DACT2: variants seen among roughly 807,000 people sequenced by gnomAD.
The protein encoded by DACT2 is dapper homolog 2.
Under a neutral mutation model 22.2 loss-of-function variants are expected in DACT2, and 20 were observed. The ratio of observed to expected loss-of-function variants is 0.90; its 90% CI spans 0.63 to 1.31. The LOEUF (loss-of-function observed/expected upper bound fraction) is 1.31, where lower values mean the gene tolerates loss of function less well. Ranked by LOEUF, DACT2 falls within the 50% of genes most tolerant of loss-of-function variation. DACT2 has a pLI of 0.00. For synonymous variants in DACT2, 463 were observed against 479.8 expected, an observed-to-expected ratio of 0.96 and a Z score of 0.46; for missense variants, 1,048 against 1,061.4, an observed-to-expected ratio of 0.99 and a Z score of 0.18.
chr6:168,304,084 C>A (rs910016294), downstream of DACT2, among the ~76,000 whole-genome samples: 4 of 152,146 alleles, frequency 2.6e-5, no homozygotes, highest in African/African-American at 9.7e-5. Flanking sequence ...ACATTGTCTA[C>A]TTTTTAATCA....
intron 1 of DACT2, 75 bp from the exon 2 acceptor site, chr6:168,311,359 C>T: frequency 7.0e-7 from 1 of 1,433,298 alleles, no homozygotes; most frequent in African/African-American, 1.4e-5. Context: ...GGGGTGAAAA[C>T]ATGCATTGTG....
chr6:168,305,526 G>A (rs1779186648), downstream of DACT2, among the ~76,000 whole-genome samples: 2 of 152,200 alleles, frequency 1.3e-5, no homozygotes, highest in Admixed American at 6.5e-5. Flanking sequence ...TCTGGAGAGT[G>A]CACTCAAGCT....
rs1440540108 is a variant in DACT2 at position 168,307,073 on chromosome 6, G to A, written c.*359C>T. On this transcript the variant is annotated 3_prime_UTR_variant, in exon 4 of 4. Transcript: ENST00000366795. The surrounding 1 kb of genome is among the most constrained non-coding windows in gnomAD (Gnocchi z 5.3). The stretch of plus-strand genomic sequence containing the variant: ...TGGGGAGGAATGGTCAAAGGATTGG[G>A]AAACACTTCCCCAGCCAGAGGGGAG... 18 of 1,053,956 alleles carry A rather than the reference G, an allele frequency of 1.7e-5. No homozygotes were observed. The highest frequency in any genetic ancestry group is 1.9e-5 in the Non-Finnish European group (17 of 873,266). 65.3% of individuals were successfully genotyped at this position (1,053,956 alleles called of 1,614,324 possible). A position where few individuals can be genotyped will look rare whatever the true frequency, so the allele number is the denominator to read the frequency against.
chr6:168,319,684 C>T lies in DACT2; in HGVS notation c.-51G>A. On this transcript the variant is annotated 5_prime_UTR_variant, in exon 1 of 4. Transcript: ENST00000366795. ...GAACCCCACGAGCGGCGCCGGAGGC[C>T]CAGCGCGCGCGGATCCCGAGCTGTG... The T allele has an allele frequency of 2.5e-6, 3 of 1,195,116 alleles. No homozygotes were observed. The highest frequency in any genetic ancestry group is 3.1e-6 in the Non-Finnish European group (3 of 963,498). 74.0% of individuals were successfully genotyped at this position (1,195,116 alleles called of 1,614,324 possible). A position where few individuals can be genotyped will look rare whatever the true frequency, so the allele number is the denominator to read the frequency against.
At chr6:168,311,313 T>C (rs1779391879) in intron 1 of DACT2, 29 bp from the exon 2 acceptor site, 1 of 1,522,736 alleles carries the variant, frequency 6.6e-7, no homozygotes, top group African/African-American at 1.4e-5. Context: ...GAAAGGGAAC[T>C]GTTGTACCTA....
intron 1 of DACT2, among the ~76,000 whole-genome samples, chr6:168,315,004 G>T (rs746154861): frequency 1.3e-5 from 2 of 152,142 alleles, no homozygotes; most frequent in African/African-American, 4.8e-5. Flanking sequence ...CTTGGTTCCC[G>T]TGTGCTCACA....
At chr6:168,310,619 G>A (rs1179214959) in intron 2 of DACT2, among the ~76,000 whole-genome samples, 173 bp from the exon 3 acceptor site, 3 of 152,196 alleles carry the variant, frequency 2.0e-5, no homozygotes, top group African/African-American at 4.8e-5. Context: ...TGGCTCAGGT[G>A]AGAATGTTCA....
exon 6 of DACT2, chr6:168,293,568 C>G: frequency 3.1e-6 from 1 of 325,284 alleles, no homozygotes; most frequent in Non-Finnish European, 5.7e-6. Flanking sequence ...TGCTTATGGC[C>G]CCAGCACTTG....
Position 168,308,449 on chromosome 6 carries a change from G to A in DACT2, c.1308C>T (p.Thr436=). ...KPSNSCVLRE[T]MVQASPSSKA... ...TTGAGCTGGGAGAAGCCTGCACCAT[G>A]GTCTCCCTGAGGACACAGCTGTTTG... The change falls in exon 4 of 4, where the codon ACC becomes ACT. Residue 436 remains threonine (T), a synonymous_variant. Transcript: ENST00000366795. 6.4e-7 allele frequency: 1 copy of A among 1,551,670 alleles called. No homozygotes were observed. Among genetic ancestry groups the A allele is most frequent in the Non-Finnish European group, 8.7e-7 (1 of 1,146,972 alleles).
chr6:168,308,742 G>A lies in DACT2; in HGVS notation c.1015C>T (p.His339Tyr). Residue 339 changes from histidine (H) to tyrosine (Y), a missense_variant, in exon 4 of 4, where the codon CAT (histidine) becomes TAT (tyrosine). Physicochemically the swap from His to Tyr is moderately conservative, Grantham distance 83. Coordinates refer to ENST00000366795, the MANE Select transcript of DACT2 (RefSeq NM_214462.5). ...GCTGGGGTCTCCCGGCCCCACAGAT[G>A]CAGCAACCTGTCGATATAAGCTCTG... ...RARAYIDRLL[H>Y]LWGRETPAKG... 6.4e-7 allele frequency: 1 copy of A among 1,551,042 alleles called. No individual in the cohort carries two copies. The highest frequency in any genetic ancestry group is 8.7e-7 in the Non-Finnish European group (1 of 1,146,928).
chr6:168,295,645 A>T (rs768723268), intron 3 of DACT2, among the ~76,000 whole-genome samples: 1 of 152,254 alleles, frequency 6.6e-6, no homozygotes, highest in Non-Finnish European at 1.5e-5. Context: ...CTTGTTATGA[A>T]GATCGTCATA....
intron 3 of DACT2, among the ~76,000 whole-genome samples, chr6:168,297,037 T>G (rs191972102): frequency 6.6e-6 from 1 of 152,266 alleles, no homozygotes; most frequent in African/African-American, 2.4e-5. Flanking sequence ...AATATGAAAA[T>G]TGTTCAACCT....
intron 2 of DACT2, 56 bp from the exon 3 acceptor site, chr6:168,310,502 C>T: frequency 6.6e-7 from 1 of 1,520,948 alleles, no homozygotes; most frequent in Non-Finnish European, 8.8e-7. Flanking sequence ...GCCCAGGGCC[C>T]CCTCTCCTCC....
At chr6:168,316,233 T>C (rs544654063) in intron 1 of DACT2, among the ~76,000 whole-genome samples, 3 of 152,260 alleles carry the variant, frequency 2.0e-5, no homozygotes, top group Admixed American at 2.0e-4. Context: ...ACAGAACAGT[T>C]GAAGCCAGCA....
At chr6:168,293,896 A>G (rs1018554325) in exon 6 of DACT2, 53 of 703,150 alleles carry the variant, frequency 7.5e-5, no homozygotes, top group Non-Finnish European at 1.1e-4. Context: ...GTGCTCTGTC[A>G]TTGCTGTCTT....
Position 168,310,253 on chromosome 6 carries a change from A to G in DACT2, c.573T>C (p.Ala191=). The change falls in exon 3 of 4, where the codon GCT becomes GCC. Residue 191 remains alanine, a synonymous_variant. Transcript: ENST00000366795. ...ETTVPAWRPQ[A]TEEGARPPGS... Reference sequence around the variant, plus strand: ...CTGGGGGCCTGGCGCCCTCCTCGGTAGCCTGGGGTCTCCACGCTGGCACAG... The same window carrying G: ...CTGGGGGCCTGGCGCCCTCCTCGGTGGCCTGGGGTCTCCACGCTGGCACAG... The G allele has an allele frequency of 6.4e-7, 1 of 1,551,364 alleles. No homozygotes were observed. The highest frequency in any genetic ancestry group is 8.7e-7 in the Non-Finnish European group (1 of 1,147,004).
chr6:168,306,146 G>C (rs1779200784), downstream of DACT2, among the ~76,000 whole-genome samples: 1 of 152,150 alleles, frequency 6.6e-6, no homozygotes, highest in Admixed American at 6.5e-5. Context: ...ATCTACTCCT[G>C]TCCTCCTCTG....
intron 1 of DACT2, among the ~76,000 whole-genome samples, chr6:168,311,539 TCC>T (rs368707019): frequency 2.2e-4 from 8 of 36,558 alleles, no homozygotes; most frequent in African/African-American, 4.7e-4. Context: ...CACACACCCA[TCC>T]ACACACACAT....
chr6:168,307,743 G>A lies in DACT2; in HGVS notation c.2014C>T (p.Pro672Ser). 1 of 1,548,540 alleles carries A rather than the reference G, an allele frequency of 6.5e-7. No individual in the cohort carries two copies. The highest frequency in any genetic ancestry group is 8.7e-7 in the Non-Finnish European group (1 of 1,146,848). ...EPSKHSAECD[P>S]RFPSVIPETS... is the part of the protein sequence containing the mutation. ...TCCGGGATGACTGACGGGAACCGCGGGTCACACTCGGCCGAGTGCTTGGAG... is the reference window on the plus strand; with the variant it reads ...TCCGGGATGACTGACGGGAACCGCGAGTCACACTCGGCCGAGTGCTTGGAG... The change falls in exon 4 of 4, where the codon CCG (proline) becomes TCG (serine). Residue 672 changes from proline to serine, a missense_variant. Transcript: ENST00000366795. This position sits in a 1 kb window ranked among gnomAD's most constrained non-coding sequence, Gnocchi z 5.3.
Sources: allele counts gnomAD v4.1 joint callset (sites outside exome capture counted in the v4.1 genomes callset), GRCh38; gene constraint gnomAD v4.1.1; non-coding constraint Gnocchi (gnomAD v3.1); transcripts MANE v1.5; gene names NCBI Gene and HGNC (gene_info 2026-07-23, HGNC 2026-07-21).